The following RELL1 variants were observed in gnomAD, a reference collection of about 807,000 sequenced individuals.
RELL1 encodes the protein RELT like 1.
RELL1 carries 10 observed loss-of-function variants against 23.0 expected under a neutral mutation model. The ratio of observed to expected loss-of-function variants is 0.43; its 90% CI spans 0.27 to 0.74. The LOEUF is 0.74. Among genes scored for constraint, RELL1 ranks in the 30% least tolerant of loss-of-function variants. The pLI is 0.19. For missense variants in RELL1, 315 were observed against 364.4 expected (o/e 0.86, Z 1.10); for synonymous variants, 146 against 146.8 (o/e 0.99, Z 0.04).
chr4:37,671,097 C>G (rs1358479955), intron 1 of RELL1, among the ~76,000 whole-genome samples: 1 of 152,204 alleles, frequency 6.6e-6, no homozygotes, highest in Non-Finnish European at 1.5e-5. Flanking sequence ...TTAGTGCAGA[C>G]TCCACAGGTT....
At chr4:37,663,513 T>C (rs1721424219) in intron 1 of RELL1, among the ~76,000 whole-genome samples, 1 of 152,206 alleles carries the variant, frequency 6.6e-6, no homozygotes, top group African/African-American at 2.4e-5. Context: ...GCTACTTTAA[T>C]TGTCAATCGC....
chr4:37,617,159 G>A (rs905328483), intron 6 of RELL1, among the ~76,000 whole-genome samples: 3 of 152,082 alleles, frequency 2.0e-5, no homozygotes, highest in Admixed American at 6.5e-5. Context: ...CTTTAGAATC[G>A]GCTTAAATAT....
chr4:37,672,354 T>C (rs755275514), intron 1 of RELL1, among the ~76,000 whole-genome samples: 1 of 151,902 alleles, frequency 6.6e-6, no homozygotes, highest in African/African-American at 2.4e-5. Flanking sequence ...TAACAAAAAA[T>C]GTTCCTATCA....
At chr4:37,614,919 G>A (rs1248129430) in intron 6 of RELL1, among the ~76,000 whole-genome samples, 1 of 152,138 alleles carries the variant, frequency 6.6e-6, no homozygotes, top group East Asian at 1.9e-4. Context: ...CTCATTTTGA[G>A]TGTTTTGCAC....
At chr4:37,659,456 C>G (rs1721240603) in intron 1 of RELL1, among the ~76,000 whole-genome samples, 1 of 152,200 alleles carries the variant, frequency 6.6e-6, no homozygotes, top group Non-Finnish European at 1.5e-5. Context: ...GGAGCCGAGA[C>G]AGAATGGCGG....
chr4:37,620,762 TGG>T (rs1719735343), intron 6 of RELL1, among the ~76,000 whole-genome samples: 1 of 152,220 alleles, frequency 6.6e-6, no homozygotes, highest in South Asian at 2.1e-4. Context: ...ATGTCTAACC[TGG>T]CCTCTATGAG....
At chr4:37,609,855 G>A (rs145649911), downstream of RELL1, among the ~76,000 whole-genome samples, 3 of 152,306 alleles carry the variant, frequency 2.0e-5, no homozygotes, top group African/African-American at 7.2e-5. Flanking sequence ...GATGATGAAA[G>A]AAAGTGGTTT....
At chr4:37,685,357 G>A (rs958823830) in intron 1 of RELL1, among the ~76,000 whole-genome samples, 1 of 152,062 alleles carries the variant, frequency 6.6e-6, no homozygotes, top group Admixed American at 6.5e-5. Context: ...TTTAACTGCA[G>A]CTGTTAGGTG....
At chr4:37,591,134 T>G in exon 7 of RELL1, 1 of 696,498 alleles carries the variant, frequency 1.4e-6, no homozygotes, top group Non-Finnish European at 2.4e-6. Context: ...ATCCAGCATC[T>G]GTTCTGATTG....
downstream of RELL1, among the ~76,000 whole-genome samples, chr4:37,610,156 T>C (rs1035627464): frequency 3.9e-5 from 6 of 152,154 alleles, no homozygotes; most frequent in African/African-American, 1.4e-4. The surrounding 1 kb of genome is among the most constrained non-coding windows in gnomAD (Gnocchi z 4.1). Context: ...ACCACCACCC[T>C]GGTCAGTAGC....
Position 37,612,200 on chromosome 4 carries a change from A to G in RELL1, c.*1146T>C, listed in dbSNP as rs1032816893. Among the ~76,000 whole-genome samples the G allele has an allele frequency of 2.2e-4, 28 of 124,758 alleles. No individual in the cohort carries two copies. Among genetic ancestry groups the G allele is most frequent in the African/African-American group, 6.2e-4 (21 of 34,018 alleles). 81.8% of individuals were successfully genotyped at this position (124,758 alleles called of 152,430 possible). ...TCAAAAAAAAAAAAAAAAAAAAAAA[A>G]AGAGAGAAGCAGGGTTCTTTTGTTT... is the stretch of plus-strand genomic sequence containing the variant. On this transcript the variant is annotated 3_prime_UTR_variant, in exon 7 of 7. Coordinates refer to ENST00000454158, the MANE Select transcript of RELL1 (RefSeq NM_001085400.2).
At chr4:37,639,379 G>C (rs1720443909) in intron 3 of RELL1, among the ~76,000 whole-genome samples, 1 of 77,370 alleles carries the variant, frequency 1.3e-5, no homozygotes, top group African/African-American at 5.4e-5. Context: ...GCGAGACTCT[G>C]TCTCAAAAAA....
chr4:37,591,727 C>T (rs1228714537), intron 6 of RELL1: 8 of 152,324 alleles, frequency 5.3e-5, no homozygotes, highest in African/African-American at 1.9e-4. Flanking sequence ...CTGCTTATGT[C>T]ATATTTGGAT....
At chr4:37,613,952 C>G (rs4832730) in intron 6 of RELL1, among the ~76,000 whole-genome samples, 120,556 of 152,196 alleles carry the variant, frequency 0.79, 49,531 homozygotes, top group Middle Eastern at 0.92. Flanking sequence ...TACAGACTGG[C>G]ATAACCCAGG....
intron 1 of RELL1, among the ~76,000 whole-genome samples, chr4:37,650,934 C>T (rs1720910267): frequency 6.6e-6 from 1 of 151,924 alleles, no homozygotes; most frequent in Admixed American, 6.6e-5. Context: ...TGGTACACAA[C>T]TGTGGTGCCA....
At chr4:37,604,189 A>G (rs748440541) in intron 6 of RELL1, among the ~76,000 whole-genome samples, 7 of 152,084 alleles carry the variant, frequency 4.6e-5, no homozygotes, top group Non-Finnish European at 8.8e-5. Context: ...CATATGTGCC[A>G]CATTGCCAGC....
chr4:37,666,880 C>T (rs920741354), intron 1 of RELL1, among the ~76,000 whole-genome samples: 1 of 152,124 alleles, frequency 6.6e-6, no homozygotes, highest in African/African-American at 2.4e-5. Context: ...CAGGTTAGGT[C>T]GGGCAATGTT....
intron 3 of RELL1, among the ~76,000 whole-genome samples, chr4:37,644,941 C>T (rs1435058505): frequency 2.0e-5 from 3 of 152,108 alleles, no homozygotes; most frequent in Non-Finnish European, 4.4e-5. Context: ...GCTCCAATCC[C>T]AGCTCCGCCA....
intron 6 of RELL1, among the ~76,000 whole-genome samples, chr4:37,615,090 C>A (rs550173163): frequency 3.9e-5 from 6 of 152,248 alleles, no homozygotes; most frequent in African/African-American, 1.4e-4. Flanking sequence ...TGAGATGATC[C>A]TATGCACAAC....
Sources: allele counts gnomAD v4.1 joint callset (sites outside exome capture counted in the v4.1 genomes callset), GRCh38; gene constraint gnomAD v4.1.1; non-coding constraint Gnocchi (gnomAD v3.1); transcripts MANE v1.5; gene names NCBI Gene and HGNC (gene_info 2026-07-23, HGNC 2026-07-21).